The following COL11A1 variants were observed in gnomAD, a reference collection of about 807,000 sequenced individuals.
COL11A1 encodes collagen type XI alpha 1 chain.
COL11A1 carries 74 observed loss-of-function variants against 265.2 expected under a neutral mutation model. The observed-to-expected ratio is 0.28, with a 90% CI of 0.23 to 0.34. The LOEUF (loss-of-function observed/expected upper bound fraction) is 0.34, where lower values mean the gene tolerates loss of function less well. Ranked by LOEUF, COL11A1 falls within the 10% of genes least tolerant of loss-of-function variation. COL11A1 has a pLI of 1.00. For missense variants in COL11A1, 2,165 were observed against 2,263.6 expected, an observed-to-expected ratio of 0.96 and a Z score of 0.88; for synonymous variants, 816 against 727.6, an observed-to-expected ratio of 1.12 and a Z score of -1.96.
chr1:102,876,554 G>T lies in COL11A1; in HGVS notation c.*1465C>A, dbSNP rs1454633037. On this transcript the variant is annotated 3_prime_UTR_variant, in exon 67 of 67. Coordinates refer to ENST00000370096, the MANE Select transcript of COL11A1 (RefSeq NM_001854.4). ...TACAAACTCGATTTCAAAAATAAAA[G>T]AAATTCTTTATGACAAATTTCACTT... 2.6e-5 allele frequency: 4 copies of T among 152,382 alleles called. No homozygotes were observed. Among genetic ancestry groups the T allele is most frequent in the Non-Finnish European group, 5.9e-5 (4 of 67,882 alleles). The allele number at this position is 152,382 out of a possible 1,614,324, so 9.4% of individuals were successfully genotyped here.
chr1:103,061,418 T>C (rs1369316776), intron 4 of COL11A1, among the ~76,000 whole-genome samples: 3 of 152,038 alleles, frequency 2.0e-5, no homozygotes, highest in Non-Finnish European at 2.9e-5. Context: ...ATATATATAC[T>C]CCTATAACCA....
Position 102,987,752 on chromosome 1 carries a change from A to G in COL11A1, c.2395-12T>C. The G allele has an allele frequency of 6.3e-7, 1 of 1,590,008 alleles. No individual in the cohort carries two copies. On this transcript the variant is annotated splice_polypyrimidine_tract_variant and intron_variant, in intron 29 of 66. Coordinates refer to ENST00000370096, the MANE Select transcript of COL11A1 (RefSeq NM_001854.4). ...TGACCAACTTCTCCCTGAGGCACAG[A>G]ATAACAACATTCTTATGAGTGAAAC...
chr1:102,927,556 T>C (rs1184099549), intron 46 of COL11A1, among the ~76,000 whole-genome samples: 1 of 151,870 alleles, frequency 6.6e-6, no homozygotes, highest in South Asian at 2.1e-4. Flanking sequence ...CTCCGGAGAA[T>C]GGCATGAACC....
intron 44 of COL11A1, among the ~76,000 whole-genome samples, chr1:102,937,838 T>C (rs2622883): frequency 0.92 from 139,894 of 152,152 alleles, 64,897 homozygotes; most frequent in East Asian, 1. Flanking sequence ...TCATTTATAG[T>C]AACACAAAAC....
chr1:103,102,222 T>C (rs1674335683), intron 1 of COL11A1, among the ~76,000 whole-genome samples: 1 of 151,922 alleles, frequency 6.6e-6, no homozygotes, highest in South Asian at 2.1e-4. Flanking sequence ...AAACAGAAAG[T>C]ATTTTAAAAT....
intron 31 of COL11A1, among the ~76,000 whole-genome samples, chr1:102,983,437 C>T (rs1663229799): frequency 6.6e-6 from 1 of 151,938 alleles, no homozygotes. Context: ...GTCCCTAAAT[C>T]CAATGGCGAG....
In COL11A1 at chr1:102,890,478, T is replaced by G; in HGVS notation, c.4329A>C (p.Lys1443Asn). The G allele has an allele frequency of 6.2e-7, 1 of 1,609,530 alleles. No homozygotes were observed. The highest frequency in any genetic ancestry group is 1.1e-5 in the South Asian group (1 of 90,400). The stretch of plus-strand genomic sequence containing the variant: ...TTTCACCCTTGGAGCCAGGGTCACC[T>G]TTGAGACCAGGTAAGCCAGGAGGTC... Reference protein sequence around the residue: ...PMGPPGLPGLKGDPGSKGEKG... With the variant: ...PMGPPGLPGLNGDPGSKGEKG... The change falls in exon 58 of 67, where the codon AAA becomes AAC. Residue 1443 changes from lysine (K) to asparagine (N), a missense_variant. Physicochemically the swap from Lys to Asn is moderately conservative, Grantham distance 94. Coordinates refer to ENST00000370096, the MANE Select transcript of COL11A1 (RefSeq NM_001854.4).
chr1:102,906,733 T>C (rs2100983907), intron 54 of COL11A1, among the ~76,000 whole-genome samples: 1 of 152,164 alleles, frequency 6.6e-6, no homozygotes, highest in South Asian at 2.1e-4. Context: ...TTTCTTTTTC[T>C]TTTTTCAAGC....
intron 35 of COL11A1, among the ~76,000 whole-genome samples, chr1:102,975,795 G>A (rs1662410153): frequency 6.6e-6 from 1 of 152,076 alleles, no homozygotes. Context: ...GTTTACTGAA[G>A]TTGGCCTTCA....
chr1:102,985,081 T>G (rs1354359943), intron 30 of COL11A1, among the ~76,000 whole-genome samples: 1 of 152,032 alleles, frequency 6.6e-6, no homozygotes, highest in Non-Finnish European at 1.5e-5. Context: ...TGTGGAATTT[T>G]ACTGTGCATC....
At chr1:103,026,401 C>T (rs1667522809) in intron 5 of COL11A1, 69 bp from the exon 6 acceptor site, 1 of 988,824 alleles carries the variant, frequency 1.0e-6, no homozygotes, top group Non-Finnish European at 1.6e-6. Context: ...AAGTGAGAAC[C>T]ATCTTAACTT....
At chr1:102,922,543 C>T (rs978196648) in intron 47 of COL11A1, among the ~76,000 whole-genome samples, 3 of 152,098 alleles carry the variant, frequency 2.0e-5, no homozygotes, top group Admixed American at 2.0e-4. Context: ...ACTACAGGCA[C>T]ACGCCACCAT....
intron 4 of COL11A1, among the ~76,000 whole-genome samples, chr1:103,067,090 C>T (rs1306383656): frequency 6.6e-6 from 1 of 151,866 alleles, no homozygotes; most frequent in African/African-American, 2.4e-5. Context: ...AATTTTAACA[C>T]TCCTCAACAA....
At chr1:102,919,430 A>T (rs1028832227) in intron 49 of COL11A1, among the ~76,000 whole-genome samples, 1 of 151,822 alleles carries the variant, frequency 6.6e-6, no homozygotes, top group African/African-American at 2.4e-5. Context: ...TACACAAAAA[A>T]CTTGAGACCA....
intron 57 of COL11A1, among the ~76,000 whole-genome samples, chr1:102,891,926 A>G (rs560722955): frequency 6.6e-6 from 1 of 152,132 alleles, no homozygotes; most frequent in Admixed American, 6.6e-5. Flanking sequence ...CACCACACTA[A>G]CAAGCCAAAT....
At chr1:102,999,503 G>A (rs2786124) in intron 24 of COL11A1, among the ~76,000 whole-genome samples, 136,399 of 151,804 alleles carry the variant, frequency 0.9, 62,124 homozygotes, top group East Asian at 1. Context: ...GAGTGAACTC[G>A]GAAATTAAAT....
At chr1:103,018,285 A>G (rs912388198) in intron 10 of COL11A1, among the ~76,000 whole-genome samples, 12 of 152,182 alleles carry the variant, frequency 7.9e-5, no homozygotes, top group African/African-American at 2.9e-4. Flanking sequence ...ATTTAAATGC[A>G]TCAGTATCAT....
rs183779762 is a variant in COL11A1 at position 103,012,606 on chromosome 1, C to T, written c.1573-137G>A. 132 of 711,112 alleles carry T rather than the reference C, an allele frequency of 1.9e-4. 1 individual carries two copies. In the East Asian group the frequency reaches 3.3e-3, roughly 18 times the overall value. The allele number at this position is 711,112 out of a possible 1,614,324, so 44.1% of individuals were successfully genotyped here. On this transcript the variant is annotated intron_variant, in intron 13 of 66. Transcript: ENST00000370096. ...AATAACTACATGCTAGAAAGAGTGTCAGGTTACTGAAGAACTGCAAATTTC... is the reference window on the plus strand; with the variant it reads ...AATAACTACATGCTAGAAAGAGTGTTAGGTTACTGAAGAACTGCAAATTTC...
At chr1:102,916,092 A>G (rs1300895623) in intron 49 of COL11A1, among the ~76,000 whole-genome samples, 1 of 152,228 alleles carries the variant, frequency 6.6e-6, no homozygotes, top group Non-Finnish European at 1.5e-5. Flanking sequence ...TATCTTAACT[A>G]CAACAAATCA....
Sources: allele counts gnomAD v4.1 joint callset (sites outside exome capture counted in the v4.1 genomes callset), GRCh38; gene constraint gnomAD v4.1.1; transcripts MANE v1.5; gene names NCBI Gene and HGNC (gene_info 2026-07-23, HGNC 2026-07-21).